Variants in SLC4A10 observed in about 807,000 individuals in gnomAD.
SLC4A10 encodes the protein solute carrier family 4 member 10, also known as sodium-driven chloride bicarbonate exchanger.
Under a neutral mutation model 137.7 loss-of-function variants are expected in SLC4A10, and 42 were observed. That is an observed-to-expected ratio of 0.30 (90% CI 0.24 to 0.39). The LOEUF is 0.39. SLC4A10 is among the 10% of genes least tolerant of loss of function. The pLI is 1.00. For synonymous variants in SLC4A10, 474 were observed against 464.1 expected (o/e 1.02, Z -0.27); for missense variants, 925 against 1,355.0 (o/e 0.68, Z 4.98).
intron 4 of SLC4A10, among the ~76,000 whole-genome samples, chr2:161,849,554 T>A (rs1285903376): frequency 6.6e-6 from 1 of 152,158 alleles, no homozygotes; most frequent in Non-Finnish European, 1.5e-5. Flanking sequence ...AGATAACACT[T>A]ATTATTTTGT....
At chr2:161,804,344 A>C (rs533377082) in intron 2 of SLC4A10, 105 bp from the exon 3 acceptor site, 330 of 1,256,144 alleles carry the variant, frequency 2.6e-4, no homozygotes, top group Non-Finnish European at 3.4e-4. Flanking sequence ...ATCAAAAATG[A>C]CTTGCTGAAT....
intron 6 of SLC4A10, among the ~76,000 whole-genome samples, chr2:161,871,636 C>A: frequency 6.6e-6 from 1 of 152,088 alleles, no homozygotes. Flanking sequence ...AAAACTAATA[C>A]AATTCAAGTT....
intron 21 of SLC4A10, among the ~76,000 whole-genome samples, chr2:161,961,786 G>A (rs1363683371): frequency 1.3e-5 from 2 of 152,086 alleles, no homozygotes; most frequent in African/African-American, 4.8e-5. Flanking sequence ...TTTGGGGTGT[G>A]AATCTTTTAA....
chr2:161,703,860 C>G (rs1400411413), intron 1 of SLC4A10, among the ~76,000 whole-genome samples: 1 of 151,532 alleles, frequency 6.6e-6, no homozygotes, highest in African/African-American at 2.4e-5. Flanking sequence ...GTTGTGGCAC[C>G]CTACAACATC....
chr2:161,881,944 T>TA (rs2061820573), intron 9 of SLC4A10, among the ~76,000 whole-genome samples: 1 of 152,014 alleles, frequency 6.6e-6, no homozygotes, highest in African/African-American at 2.4e-5. Context: ...GCTACTGTGT[T>TA]ACCTTTGTCC....
At chr2:161,663,877 T>A (rs902863922) in intron 1 of SLC4A10, among the ~76,000 whole-genome samples, 2 of 152,052 alleles carry the variant, frequency 1.3e-5, no homozygotes, top group African/African-American at 4.8e-5. Flanking sequence ...ATTTTTGATG[T>A]TTATGTAGAA....
intron 3 of SLC4A10, among the ~76,000 whole-genome samples, chr2:161,839,075 G>A (rs569413287): frequency 2.0e-5 from 3 of 152,322 alleles, no homozygotes; most frequent in Admixed American, 2.0e-4. Context: ...CCTCCAGCAG[G>A]TGAATGCATA....
At chr2:161,675,290 C>T (rs1206271612) in intron 1 of SLC4A10, among the ~76,000 whole-genome samples, 6 of 152,262 alleles carry the variant, frequency 3.9e-5, no homozygotes, top group Admixed American at 2.0e-4. Flanking sequence ...AAAGATGCCA[C>T]GGATGATCTT....
chr2:161,727,729 T>C (rs1286947570), intron 1 of SLC4A10, among the ~76,000 whole-genome samples: 1 of 151,112 alleles, frequency 6.6e-6, no homozygotes, highest in African/African-American at 2.4e-5. Flanking sequence ...GAGAGGAAGG[T>C]GGAAAATAGA....
At chr2:161,937,056 A>G (rs1306911955) in intron 15 of SLC4A10, among the ~76,000 whole-genome samples, 1 of 152,168 alleles carries the variant, frequency 6.6e-6, no homozygotes, top group Non-Finnish European at 1.5e-5. Context: ...ATTTGTCTCA[A>G]TACATTGTTA....
chr2:161,703,327 A>G (rs1030352503), intron 1 of SLC4A10, among the ~76,000 whole-genome samples: 4 of 151,748 alleles, frequency 2.6e-5, no homozygotes, highest in African/African-American at 7.2e-5. Flanking sequence ...ATTTGATAGA[A>G]TACCAGTTAG....
intron 1 of SLC4A10, among the ~76,000 whole-genome samples, chr2:161,767,217 C>CATATAT (rs72199258): frequency 2.2e-5 from 2 of 92,374 alleles, no homozygotes; most frequent in Admixed American, 2.6e-4. Context: ...TATATATACA[C>CATATAT]ATATATATAT....
At chr2:161,820,515 G>A (rs1407144506) in intron 3 of SLC4A10, among the ~76,000 whole-genome samples, 2 of 151,996 alleles carry the variant, frequency 1.3e-5, no homozygotes, top group African/African-American at 4.8e-5. Context: ...TTTTACAATG[G>A]GTATTTTGCT....
At chr2:161,979,634 G>T (rs535878943) in intron 26 of SLC4A10, among the ~76,000 whole-genome samples, 12 of 152,114 alleles carry the variant, frequency 7.9e-5, no homozygotes, top group Non-Finnish European at 1.5e-4. Context: ...TACTAATAAG[G>T]CTCCCAAAGC....
At chr2:161,723,526 T>C (rs112419752) in intron 1 of SLC4A10, among the ~76,000 whole-genome samples, 1 of 152,228 alleles carries the variant, frequency 6.6e-6, no homozygotes, top group Non-Finnish European at 1.5e-5. Flanking sequence ...GTTCCTGGCA[T>C]AGCTTCTCAA....
chr2:161,664,770 A>G (rs959217810), intron 1 of SLC4A10, among the ~76,000 whole-genome samples: 1 of 151,208 alleles, frequency 6.6e-6, no homozygotes, highest in Non-Finnish European at 1.5e-5. Context: ...ATTATATAGT[A>G]CCATATTTGC....
intron 4 of SLC4A10, among the ~76,000 whole-genome samples, chr2:161,846,647 A>G (rs1330276325): frequency 1.3e-5 from 2 of 152,234 alleles, no homozygotes; most frequent in African/African-American, 4.8e-5. Flanking sequence ...TGCAATAAAA[A>G]GGAACAAACT....
intron 11 of SLC4A10, among the ~76,000 whole-genome samples, chr2:161,895,345 C>G (rs539664276): frequency 8.1e-4 from 123 of 152,060 alleles, no homozygotes; most frequent in Non-Finnish European, 8.7e-4. Flanking sequence ...CAAGTCTTTG[C>G]TATTGTGAAT....
At chr2:161,879,971 T>C (rs1313010785) in intron 9 of SLC4A10, among the ~76,000 whole-genome samples, 1 of 151,972 alleles carries the variant, frequency 6.6e-6, no homozygotes, top group African/African-American at 2.4e-5. Flanking sequence ...AATAAGGCTA[T>C]CCATTACTAA....
Sources: allele counts gnomAD v4.1 joint callset (sites outside exome capture counted in the v4.1 genomes callset), GRCh38; gene constraint gnomAD v4.1.1; transcripts MANE v1.5; gene names NCBI Gene and HGNC (gene_info 2026-07-23, HGNC 2026-07-21).